PCDH15: variants seen among roughly 807,000 people sequenced by gnomAD.
The protein encoded by PCDH15 is protocadherin related 15.
Under a neutral mutation model 178.5 loss-of-function variants are expected in PCDH15, and 129 were observed. That is an observed-to-expected ratio of 0.72 (90% CI 0.63 to 0.84). The LOEUF is 0.84. Ranked by LOEUF, PCDH15 falls within the 40% of genes least tolerant of loss-of-function variation. The pLI, the probability that PCDH15 is intolerant of heterozygous loss-of-function variation, is 0.00. For synonymous variants in PCDH15, 800 were observed against 732.0 expected (o/e 1.09, Z -1.50); for missense variants, 2,230 against 2,099.9 (o/e 1.06, Z -1.21).
chr10:55,546,945 A>G (rs1841895729), intron 2 of PCDH15, among the ~76,000 whole-genome samples: 1 of 152,144 alleles, frequency 6.6e-6, no homozygotes, highest in Admixed American at 6.6e-5. Context: ...TACCTGTGAA[A>G]GAATAAGGGA....
At chr10:54,632,327 G>A (rs1181237639) in intron 2 of PCDH15, among the ~76,000 whole-genome samples, 1 of 152,040 alleles carries the variant, frequency 6.6e-6, no homozygotes, top group Non-Finnish European at 1.5e-5. Flanking sequence ...ATACCTGCTA[G>A]GTACTATGCT....
At chr10:55,475,448 A>C (rs1023860486) in intron 2 of PCDH15, among the ~76,000 whole-genome samples, 2 of 152,176 alleles carry the variant, frequency 1.3e-5, no homozygotes, top group Non-Finnish European at 2.9e-5. Flanking sequence ...AAACATTTTT[A>C]GATGTACCTG....
intron 2 of PCDH15, among the ~76,000 whole-genome samples, chr10:54,972,993 TATA>T (rs1463058441): frequency 2.0e-5 from 3 of 151,688 alleles, no homozygotes; most frequent in Middle Eastern, 3.4e-3. Flanking sequence ...ATAACAATGA[TATA>T]ATATTATTAA....
At chr10:54,691,699 A>C (rs193279763) in intron 1 of PCDH15, among the ~76,000 whole-genome samples, 1 of 152,070 alleles carries the variant, frequency 6.6e-6, no homozygotes, top group Non-Finnish European at 1.5e-5. Context: ...CCTCCAAGGA[A>C]ATTGGATTTC....
chr10:54,356,554 T>C (rs946189721), intron 5 of PCDH15, among the ~76,000 whole-genome samples: 4 of 151,666 alleles, frequency 2.6e-5, no homozygotes, highest in African/African-American at 7.3e-5. Context: ...GACATACTTA[T>C]ATATACATAT....
intron 5 of PCDH15, among the ~76,000 whole-genome samples, chr10:54,358,030 C>T (rs1249650080): frequency 6.7e-6 from 1 of 149,788 alleles, no homozygotes; most frequent in Non-Finnish European, 1.5e-5. Flanking sequence ...GGATTAAAGA[C>T]TTAAACATTA....
intron 2 of PCDH15, among the ~76,000 whole-genome samples, chr10:55,103,099 T>C (rs551368873): frequency 6.8e-6 from 1 of 147,830 alleles, no homozygotes; most frequent in Non-Finnish European, 1.5e-5. Flanking sequence ...TGGTAATTTC[T>C]CTCTGATTTT....
rs142553040 is a variant in PCDH15 at position 53,854,742 on chromosome 10, T to C, written c.3806+2433A>G. ...TATGGAATATTTACCATTCACCGAATAGTCATACTTTCTATTGTCCTAGAT... is the reference window on the plus strand; with the variant it reads ...TATGGAATATTTACCATTCACCGAACAGTCATACTTTCTATTGTCCTAGAT... On this transcript the variant is annotated intron_variant, in intron 28 of 37. Transcript: ENST00000644397. Among the ~76,000 whole-genome samples the C allele has an allele frequency of 2.6e-4, 39 of 152,228 alleles. No homozygotes were observed. In the South Asian group the frequency reaches 7.5e-3, roughly 29 times the overall value.
At chr10:55,616,535 A>G in intron 2 of PCDH15, among the ~76,000 whole-genome samples, 1 of 150,376 alleles carries the variant, frequency 6.6e-6, no homozygotes, top group Admixed American at 6.6e-5. Context: ...AAAAAAAAAG[A>G]GTAACTCTCT....
intron 2 of PCDH15, among the ~76,000 whole-genome samples, chr10:55,156,760 A>ACACACC (rs1838902053): frequency 6.6e-6 from 1 of 152,130 alleles, no homozygotes; most frequent in African/African-American, 2.4e-5. Context: ...AGCTAAGTCA[A>ACACACC]TAAGCCCTAC....
intron 1 of PCDH15, among the ~76,000 whole-genome samples, chr10:55,271,093 A>G (rs1043886119): frequency 2.0e-5 from 3 of 152,086 alleles, no homozygotes; most frequent in South Asian, 2.1e-4. Flanking sequence ...CACTGAGCAC[A>G]CATGGACATA....
At chr10:54,072,524 G>A (rs1243419450) in intron 17 of PCDH15, among the ~76,000 whole-genome samples, 3 of 152,102 alleles carry the variant, frequency 2.0e-5, no homozygotes, top group Admixed American at 6.5e-5. Flanking sequence ...TATGAATTAC[G>A]GGAAGGAGAA....
chr10:53,871,445 T>C, intron 26 of PCDH15, among the ~76,000 whole-genome samples: 1 of 130,124 alleles, frequency 7.7e-6, no homozygotes, highest in Admixed American at 8.6e-5. Context: ...TTTATATATA[T>C]TCATACGTGT....
At chr10:54,694,492 A>G (rs949889244) in intron 1 of PCDH15, among the ~76,000 whole-genome samples, 3 of 152,168 alleles carry the variant, frequency 2.0e-5, no homozygotes, top group African/African-American at 7.2e-5. Context: ...TACAAATTGA[A>G]GTTTTGTGGC....
intron 18 of PCDH15, among the ~76,000 whole-genome samples, chr10:54,061,147 C>T (rs1033796872): frequency 2.0e-5 from 3 of 152,094 alleles, no homozygotes; most frequent in Admixed American, 2.0e-4. Context: ...TCTGCTCCCC[C>T]AAAGACTTGG....
At chr10:54,710,793 T>G (rs1001141710) in intron 1 of PCDH15, among the ~76,000 whole-genome samples, 20 of 152,050 alleles carry the variant, frequency 1.3e-4, no homozygotes, top group African/African-American at 4.8e-4. Context: ...CTTTTTTACT[T>G]GATGACTCAA....
At chr10:55,443,901 C>T (rs1322268240) in intron 2 of PCDH15, among the ~76,000 whole-genome samples, 1 of 152,004 alleles carries the variant, frequency 6.6e-6, no homozygotes, top group Non-Finnish European at 1.5e-5. Context: ...CCATCAATGT[C>T]AGGCTGGATA....
intron 2 of PCDH15, among the ~76,000 whole-genome samples, chr10:55,356,048 G>C (rs1305258313): frequency 6.6e-6 from 1 of 151,748 alleles, no homozygotes; most frequent in Non-Finnish European, 1.5e-5. Flanking sequence ...TCATAAACCA[G>C]GTATATGCTG....
At chr10:54,140,385 T>A (rs1245589473) in intron 14 of PCDH15, among the ~76,000 whole-genome samples, 1 of 152,070 alleles carries the variant, frequency 6.6e-6, no homozygotes, top group East Asian at 1.9e-4. Flanking sequence ...TCCATCAGGT[T>A]AATTTTTTTT....
Sources: allele counts gnomAD v4.1 joint callset (sites outside exome capture counted in the v4.1 genomes callset), GRCh38; gene constraint gnomAD v4.1.1; transcripts MANE v1.5; gene names NCBI Gene and HGNC (gene_info 2026-07-23, HGNC 2026-07-21).